The following MMP25 variants were observed in gnomAD, a reference collection of about 807,000 sequenced individuals.
MMP25 encodes matrix metalloproteinase-25.
MMP25 carries 68 observed loss-of-function variants against 62.1 expected under a neutral mutation model. The ratio of observed to expected loss-of-function variants is 1.10; its 90% confidence interval spans 0.90 to 1.34. The LOEUF is 1.34. Among genes scored for constraint, MMP25 ranks in the 40% most tolerant of loss-of-function variants. The pLI is 0.00. For synonymous variants in MMP25, 407 were observed against 345.6 expected, an observed-to-expected ratio of 1.18 and a Z score of -1.97; for missense variants, 942 against 792.5, an observed-to-expected ratio of 1.19 and a Z score of -2.26.
intron 1 of MMP25, 151 bp from the exon 2 acceptor site, chr16:3,047,263 CG>C: frequency 8.3e-7 from 1 of 1,208,816 alleles, no homozygotes; most frequent in Non-Finnish European, 1.1e-6. Context: ...GGGACTGAAG[CG>C]GGGACCTATG....
Position 3,059,510 on chromosome 16 carries a change from T to G in MMP25, c.*412T>G. 2 of 166,106 alleles carry G rather than the reference T, an allele frequency of 1.2e-5. No individual in the cohort carries two copies. Among genetic ancestry groups the G allele is most frequent in the Admixed American group, 6.4e-5 (1 of 15,654 alleles). The allele number at this position is 166,106 out of a possible 1,614,324, so 10.3% of individuals were successfully genotyped here. On this transcript the variant is annotated 3_prime_UTR_variant, in exon 10 of 10. Transcript: ENST00000336577. ...AGGGACGGCAGCCCCGGTCGCGCGC[T>G]GGCCCCGCAGGACCTTCCTTTTCCA... is the stretch of plus-strand genomic sequence containing the variant.
At chr16:3,058,003 C>A in intron 7 of MMP25, 178 bp from the exon 8 acceptor site, 1 of 704,212 alleles carries the variant, frequency 1.4e-6, no homozygotes. Flanking sequence ...AGGCAAGGCC[C>A]TGGCACTTTT....
chr16:3,053,744 A>T (rs1254862970), intron 4 of MMP25: 2 of 151,996 alleles, frequency 1.3e-5, no homozygotes, highest in South Asian at 2.1e-4. Context: ...CCCAAAGGTG[A>T]TCAACAACAA....
chr16:3,058,096 A>T (rs1596222261), intron 7 of MMP25, 85 bp from the exon 8 acceptor site: 1 of 1,501,812 alleles, frequency 6.7e-7, no homozygotes, highest in Non-Finnish European at 9.0e-7. Context: ...TCCAGATGGG[A>T]CCCCTCCCCA....
intron 4 of MMP25, among the ~76,000 whole-genome samples, chr16:3,055,439 A>C (rs1407333188): frequency 2.6e-5 from 4 of 151,954 alleles, no homozygotes; most frequent in Admixed American, 1.3e-4. Flanking sequence ...TCGACAGGGA[A>C]ATTCGTCAGT....
At chr16:3,047,988 C>T (rs934552958) in intron 2 of MMP25, among the ~76,000 whole-genome samples, 1 of 152,042 alleles carries the variant, frequency 6.6e-6, no homozygotes, top group African/African-American at 2.4e-5. Flanking sequence ...TACAGGCACG[C>T]ACCATCACAC....
In MMP25 at chr16:3,058,470, G is replaced by A. The variant is rs7359404; in HGVS notation, c.1218G>A (p.Thr406=). The change falls in exon 9 of 10, where the codon ACG becomes ACA. Residue 406 remains threonine (T), a synonymous_variant. Transcript: ENST00000336577. ...RQLEGGARPL[T]ELGLPPGEEV... ...TGGAGGGCGGGGCGCGGCCGCTCAC[G>A]GAGCTGGGGCTGCCCCCGGGAGAGG... is the stretch of plus-strand genomic sequence containing the variant. 1.2e-6 allele frequency: 2 copies of A among 1,602,620 alleles called. No homozygotes were observed. The highest frequency in any genetic ancestry group is 2.2e-5 in the South Asian group (2 of 89,862).
intron 6 of MMP25, 59 bp from the exon 7 acceptor site, chr16:3,057,472 G>A (rs911269755): frequency 1.3e-5 from 21 of 1,597,352 alleles, no homozygotes; most frequent in Non-Finnish European, 1.6e-5. Context: ...GGATGGTGGG[G>A]GTCCCTGCCT....
At position 3,057,581 on chromosome 16, in the gene MMP25, C is replaced by T. The variant is rs1417336355; in HGVS notation, c.974C>T (p.Ala325Val). 1.9e-6 allele frequency: 3 copies of T among 1,614,222 alleles called. No individual in the cohort carries two copies. The East Asian group carries it at 6.7e-5, about 36-fold the overall frequency. Residue 325 changes from alanine to valine, a missense_variant, in exon 7 of 10, where the codon GCC (alanine) becomes GTC (valine). By Grantham distance (64) the Ala-to-Val change is moderately conservative. Coordinates refer to ENST00000336577, the MANE Select transcript of MMP25 (RefSeq NM_022468.5). ...TGTGAGGGCAATTTTGACGCCATCGCCAACATCCGAGGGGAAACTTTCTTC... is the reference window on the plus strand; with the variant it reads ...TGTGAGGGCAATTTTGACGCCATCGTCAACATCCGAGGGGAAACTTTCTTC... ...DRCEGNFDAI[A>V]NIRGETFFFK...
At chr16:3,056,561 G>A (rs1596220111) in intron 4 of MMP25, among the ~76,000 whole-genome samples, 1 of 151,898 alleles carries the variant, frequency 6.6e-6, no homozygotes, top group Admixed American at 6.6e-5. Flanking sequence ...ACAGGCATGC[G>A]CCACCACTCC....
chr16:3,057,262 C>T (rs1357209345), intron 5 of MMP25, 48 bp from the exon 6 acceptor site: 2 of 1,614,068 alleles, frequency 1.2e-6, no homozygotes, highest in Non-Finnish European at 1.7e-6. Context: ...CCAGTGTCCT[C>T]TGCAGCAGGG....
chr16:3,046,998 G>A lies in MMP25; in HGVS notation c.81G>A (p.Gln27=), dbSNP rs1294267884. The change falls in exon 1 of 10, where the codon CAG becomes CAA. Residue 27 remains glutamine (Q), a synonymous_variant. Transcript: ENST00000336577. ...PPARAPKPSA[Q]DVSLGVDWLT... ...CGCGCGCCCCGAAGCCCTCGGCGCA[G>A]GACGTGAGCCTGGGCGTGGTGAGCG... 1.4e-6 allele frequency: 2 copies of A among 1,469,998 alleles called. No homozygotes were observed. The highest frequency in any genetic ancestry group is 5.0e-5 in the Admixed American group (2 of 40,144). The allele number at this position is 1,469,998 out of a possible 1,614,324, so 91.1% of individuals were successfully genotyped here.
In MMP25 at chr16:3,060,233, T is replaced by G. The variant is rs1567131120; in HGVS notation, c.*1135T>G. ...CCCACATCAGAATCACTGGGAAATT[T>G]AAGTTTGCAGATCCCACACTCACCC... On this transcript the variant is annotated 3_prime_UTR_variant, in exon 10 of 10. Coordinates refer to ENST00000336577, the MANE Select transcript of MMP25 (RefSeq NM_022468.5). The G allele has an allele frequency of 6.6e-6, 1 of 152,122 alleles. No homozygotes were observed. The highest frequency in any genetic ancestry group is 2.4e-5 in the African/African-American group (1 of 41,404). The allele number at this position is 152,122 out of a possible 1,614,324, so 9.4% of individuals were successfully genotyped here.
Position 3,047,006 on chromosome 16 carries a change from G to A in MMP25, c.89G>A (p.Ser30Asn). Reference sequence around the variant, plus strand: ...CCGAAGCCCTCGGCGCAGGACGTGAGCCTGGGCGTGGTGAGCGCGGGGTCC... The same window carrying A: ...CCGAAGCCCTCGGCGCAGGACGTGAACCTGGGCGTGGTGAGCGCGGGGTCC... The part of the protein sequence containing the change: ...RAPKPSAQDV[S>N]LGVDWLTRYG... Residue 30 changes from serine (S) to asparagine (N), a missense_variant, in exon 1 of 10, where the codon AGC becomes AAC. Coordinates refer to ENST00000336577, the MANE Select transcript of MMP25 (RefSeq NM_022468.5). 1 of 1,458,630 alleles carries A rather than the reference G, an allele frequency of 6.9e-7. No homozygotes were observed. The highest frequency in any genetic ancestry group is 1.5e-5 in the African/African-American group (1 of 67,594). 90.4% of individuals were successfully genotyped at this position (1,458,630 alleles called of 1,614,324 possible). A position where few individuals can be genotyped will look rare whatever the true frequency, so the allele number is the denominator to read the frequency against.
At position 3,060,364 on chromosome 16, in the gene MMP25, G is replaced by C. The variant is rs1054307767; in HGVS notation, c.*1266G>C. On this transcript the variant is annotated 3_prime_UTR_variant, in exon 10 of 10. Coordinates refer to ENST00000336577, the MANE Select transcript of MMP25 (RefSeq NM_022468.5). Reference sequence around the variant, plus strand: ...CGTGGCATTTCTGTGGCTCTGCAGTGTTCCTCCACCCCAGGACCAATATGT... The same window carrying C: ...CGTGGCATTTCTGTGGCTCTGCAGTCTTCCTCCACCCCAGGACCAATATGT... 1 of 152,204 alleles carries C rather than the reference G, an allele frequency of 6.6e-6. No homozygotes were observed. The highest frequency in any genetic ancestry group is 1.5e-5 in the Non-Finnish European group (1 of 68,176). The allele number at this position is 152,204 out of a possible 1,614,324, so 9.4% of individuals were successfully genotyped here. A position where few individuals can be genotyped will look rare whatever the true frequency, so the allele number is the denominator to read the frequency against.
chr16:3,047,821 C>T (rs934531020), intron 2 of MMP25, among the ~76,000 whole-genome samples: 3 of 150,422 alleles, frequency 2.0e-5, no homozygotes, highest in African/African-American at 7.3e-5. Flanking sequence ...AAAGTGAGAC[C>T]CCCCCACTCT....
intron 2 of MMP25, among the ~76,000 whole-genome samples, chr16:3,049,255 G>A (rs1449337324): frequency 3.9e-5 from 6 of 152,102 alleles, no homozygotes; most frequent in East Asian, 3.9e-4. Context: ...AGTTGGATTC[G>A]GGGTGTATAT....
intron 2 of MMP25, among the ~76,000 whole-genome samples, chr16:3,049,757 G>A (rs1955871950): frequency 6.6e-6 from 1 of 152,208 alleles, no homozygotes; most frequent in Non-Finnish European, 1.5e-5. Flanking sequence ...GAGCCTCTGA[G>A]CATCACCTGC....
At chr16:3,054,305 C>T in intron 4 of MMP25, 1 of 132,864 alleles carries the variant, frequency 7.5e-6, no homozygotes, top group Non-Finnish European at 1.6e-5. Flanking sequence ...CAGATGCATG[C>T]ACAGAGGCGG....
Sources: gnomAD v4.1 joint callset for allele counts (sites outside exome capture counted in the v4.1 genomes callset) on GRCh38, gnomAD v4.1.1 for gene constraint, MANE v1.5 for transcripts, NCBI Gene and HGNC (gene_info 2026-07-23, HGNC 2026-07-21) for gene names.